The following EZR variants were observed in gnomAD, a reference collection of about 807,000 sequenced individuals.
EZR encodes the protein ezrin.
Under a neutral mutation model 74.8 loss-of-function variants are expected in EZR, and 40 were observed. That is an observed-to-expected ratio of 0.53 (90% CI 0.42 to 0.70). The LOEUF (loss-of-function observed/expected upper bound fraction) is 0.70, where lower values mean the gene tolerates loss of function less well. Ranked by LOEUF, EZR falls within the 30% of genes least tolerant of loss-of-function variation. The pLI, the probability that EZR is intolerant of heterozygous loss-of-function variation, is 0.00. For missense variants in EZR, 678 were observed against 755.8 expected (o/e 0.90, Z 1.21); for synonymous variants, 341 against 283.3 (o/e 1.20, Z -2.05).
At chr6:158,810,850 CTT>C (rs984589449) in intron 2 of EZR, among the ~76,000 whole-genome samples, 1 of 152,174 alleles carries the variant, frequency 6.6e-6, no homozygotes, top group Admixed American at 6.5e-5. Flanking sequence ...CTGATAAAAA[CTT>C]TGTCTCCGTT....
rs570150061 is a variant in EZR at position 158,808,135 on chromosome 6, T to C, written c.12+9947A>G. On this transcript the variant is annotated intron_variant, in intron 2 of 13. Transcript: ENST00000367075. ...CCTAACATCAATAACTTAAGAAGAA[T>C]GCGTGTGTGGAGTTCCGAGCTAAGG... Among the ~76,000 whole-genome samples, 12 of 150,636 alleles carry C rather than the reference T, an allele frequency of 8.0e-5. No individual in the cohort carries two copies. In the South Asian group the frequency reaches 1.7e-3, roughly 21 times the overall value.
intron 2 of EZR, among the ~76,000 whole-genome samples, chr6:158,793,064 T>C (rs9347255): frequency 0.19 from 28,872 of 151,508 alleles, 3,049 homozygotes; most frequent in South Asian, 0.27. Context: ...CTCATGCCTG[T>C]AATCCCAGCA....
At chr6:158,804,755 CTTTTT>C (rs67712417) in intron 2 of EZR, among the ~76,000 whole-genome samples, 1 of 151,128 alleles carries the variant, frequency 6.6e-6, no homozygotes, top group South Asian at 2.1e-4. Context: ...TTTTTCCTTT[CTTTTT>C]TTCTTATTTT....
intron 5 of EZR, among the ~76,000 whole-genome samples, chr6:158,785,085 A>G (rs983596652): frequency 1.1e-4 from 17 of 152,214 alleles, no homozygotes; most frequent in East Asian, 3.8e-4. Context: ...TTGCTATGCC[A>G]TGTCCCACAG....
chr6:158,776,377 T>A (rs974837441), intron 8 of EZR, 31 bp downstream of exon 8: 2 of 1,527,120 alleles, frequency 1.3e-6, no homozygotes. Flanking sequence ...TGAAAAACAG[T>A]AGCCCCTGAA....
intron 1 of EZR, among the ~76,000 whole-genome samples, chr6:158,818,683 C>CGGCTCAGCTCCA (rs1285378986): frequency 6.8e-6 from 1 of 147,764 alleles, no homozygotes; most frequent in Non-Finnish European, 1.5e-5. Flanking sequence ...GGGCGCGGGC[C>CGGCTCAGCTCCA]CAGGGATACC....
At chr6:158,800,709 G>A (rs1777169855) in intron 2 of EZR, among the ~76,000 whole-genome samples, 1 of 152,166 alleles carries the variant, frequency 6.6e-6, no homozygotes, top group Non-Finnish European at 1.5e-5. Flanking sequence ...GAATAAGGCA[G>A]GACAATCGCT....
Position 158,766,871 on chromosome 6 carries a change from G to A in EZR, c.*43C>T, listed in dbSNP as rs773479905. 160 of 1,575,640 alleles carry A rather than the reference G, an allele frequency of 1.0e-4. No individual in the cohort carries two copies. Among genetic ancestry groups the A allele is most frequent in the African/African-American group, 2.8e-4 (21 of 74,052 alleles). On this transcript the variant is annotated 3_prime_UTR_variant, in exon 14 of 14. Coordinates refer to ENST00000367075, the MANE Select transcript of EZR (RefSeq NM_001111077.2). ...ACACAAGCGTGGCGGGGCTGGCAGC[G>A]CCCGCTATGAGCACCCCTCTGCCCT...
In EZR at chr6:158,789,235, G is replaced by A. The variant is rs368320481; in HGVS notation, c.96+53C>T. 4.5e-5 allele frequency: 62 copies of A among 1,385,888 alleles called. No individual in the cohort carries two copies. The African/African-American group carries it at 8.6e-4, about 19-fold the overall frequency. 85.8% of individuals were successfully genotyped at this position (1,385,888 alleles called of 1,614,324 possible). A position where few individuals can be genotyped will look rare whatever the true frequency, so the allele number is the denominator to read the frequency against. On this transcript the variant is annotated intron_variant, in intron 3 of 13. Coordinates refer to ENST00000367075, the MANE Select transcript of EZR (RefSeq NM_001111077.2). ...TCGCAAACAAAATAACTGAAATGTT[G>A]CAAAACAGTTTTTTTTTGTAGGTGG...
chr6:158,810,491 G>C (rs986221383), intron 2 of EZR, among the ~76,000 whole-genome samples: 14 of 152,110 alleles, frequency 9.2e-5, no homozygotes, highest in African/African-American at 3.4e-4. Flanking sequence ...ACTCCTTAAA[G>C]GCAAAACCAA....
chr6:158,814,168 C>A (rs1777503892), intron 2 of EZR, among the ~76,000 whole-genome samples: 1 of 152,164 alleles, frequency 6.6e-6, no homozygotes, highest in Non-Finnish European at 1.5e-5. Flanking sequence ...CCCCAAATCA[C>A]CCTCCTTGGA....
At chr6:158,768,311 C>G (rs1190221289) in intron 12 of EZR, among the ~76,000 whole-genome samples, 1 of 152,082 alleles carries the variant, frequency 6.6e-6, no homozygotes, top group East Asian at 1.9e-4. Flanking sequence ...TTCCTGAGGC[C>G]TCCCCCAGCC....
intron 2 of EZR, among the ~76,000 whole-genome samples, chr6:158,801,905 C>A (rs572272123): frequency 7.2e-5 from 11 of 152,278 alleles, no homozygotes; most frequent in African/African-American, 2.2e-4. Context: ...CGTCCTGGGG[C>A]CCATGATGGA....
At chr6:158,803,290 T>C (rs1777227923) in intron 2 of EZR, among the ~76,000 whole-genome samples, 1 of 151,536 alleles carries the variant, frequency 6.6e-6, no homozygotes, top group Non-Finnish European at 1.5e-5. Context: ...GTATAACTGG[T>C]AGAGTGACTC....
At chr6:158,789,190 G>A (rs56013285) in intron 3 of EZR, 98 bp downstream of exon 3, 23,259 of 830,450 alleles carry the variant, frequency 0.028, 426 homozygotes, top group South Asian at 0.043. Flanking sequence ...CCTCAAGTGA[G>A]TAAAACAAGG....
At chr6:158,780,584 C>T (rs1791409916) in intron 7 of EZR, among the ~76,000 whole-genome samples, 1 of 152,184 alleles carries the variant, frequency 6.6e-6, no homozygotes, top group Non-Finnish European at 1.5e-5. Flanking sequence ...TCCCCGTGCA[C>T]CCTTTCCCTT....
At chr6:158,808,200 G>A (rs1777383116) in intron 2 of EZR, among the ~76,000 whole-genome samples, 1 of 152,168 alleles carries the variant, frequency 6.6e-6, no homozygotes, top group Admixed American at 6.5e-5. Context: ...CCTTATCTAT[G>A]GGGAACATCT....
At chr6:158,789,573 C>A (rs16889184) in intron 2 of EZR, 17 of 723,258 alleles carry the variant, frequency 2.4e-5, no homozygotes, top group African/African-American at 8.6e-5. Context: ...GCAAACCAAA[C>A]GCAGCTTCTT....
At chr6:158,771,986 G>GGAGCTCCAGGAT (rs1180140754) in intron 8 of EZR, among the ~76,000 whole-genome samples, 2 of 152,074 alleles carry the variant, frequency 1.3e-5, no homozygotes, top group African/African-American at 4.8e-5. Flanking sequence ...TGCCAGCCTG[G>GGAGCTCCAGGAT]GAGCTCCAGG....
Sources: gnomAD v4.1 joint callset for allele counts (sites outside exome capture counted in the v4.1 genomes callset) on GRCh38, gnomAD v4.1.1 for gene constraint, MANE v1.5 for transcripts, NCBI Gene and HGNC (gene_info 2026-07-23, HGNC 2026-07-21) for gene names.